The following SNX29 variants were observed in gnomAD, a reference collection of about 807,000 sequenced individuals.
The protein encoded by SNX29 is sorting nexin-29.
In SNX29, 78 loss-of-function variants were observed where a neutral mutation model predicts 102.1. That is an observed-to-expected ratio of 0.76 (90% CI 0.64 to 0.92). The LOEUF (loss-of-function observed/expected upper bound fraction) is 0.92. Among genes scored for constraint, SNX29 ranks in the 40% least tolerant of loss-of-function variants. The pLI, the probability that SNX29 is intolerant of heterozygous loss-of-function variation, is 0.00. For synonymous variants in SNX29, 580 were observed against 414.5 expected (o/e 1.40, Z -4.85); for missense variants, 1,280 against 1,061.7 (o/e 1.21, Z -2.86).
intron 20 of SNX29, among the ~76,000 whole-genome samples, chr16:12,539,969 CAT>C (rs757836357): frequency 6.6e-6 from 1 of 152,164 alleles, no homozygotes; most frequent in Non-Finnish European, 1.5e-5. Flanking sequence ...GTGAGTTGCA[CAT>C]ATTTTCTTCT....
chr16:12,494,026 T>C (rs1033749767), intron 19 of SNX29, among the ~76,000 whole-genome samples: 1 of 152,186 alleles, frequency 6.6e-6, no homozygotes, highest in Non-Finnish European at 1.5e-5. Flanking sequence ...TCTGGGGTAT[T>C]TTTCTTATTT....
At chr16:12,377,438 C>T (rs1045219390) in intron 16 of SNX29, among the ~76,000 whole-genome samples, 9 of 152,188 alleles carry the variant, frequency 5.9e-5, no homozygotes, top group African/African-American at 2.2e-4. Context: ...CCAGAAATTA[C>T]ATGTCACATC....
chr16:12,252,728 CT>C (rs2078457761), intron 14 of SNX29, among the ~76,000 whole-genome samples: 1 of 152,206 alleles, frequency 6.6e-6, no homozygotes, highest in South Asian at 2.1e-4. Flanking sequence ...GCCTGTTCCG[CT>C]TCCCTGGCTC....
chr16:12,566,070 T>G (rs2078992032), intron 20 of SNX29, among the ~76,000 whole-genome samples: 1 of 152,244 alleles, frequency 6.6e-6, no homozygotes, highest in Non-Finnish European at 1.5e-5. Flanking sequence ...ATTGTCTCTC[T>G]AGGCACTTGA....
chr16:12,304,775 G>A (rs1042105812), intron 15 of SNX29, among the ~76,000 whole-genome samples: 3 of 152,060 alleles, frequency 2.0e-5, no homozygotes, highest in Non-Finnish European at 4.4e-5. Context: ...GTTTATATAA[G>A]TGGCCATATT....
chr16:12,571,991 C>G lies in SNX29; in HGVS notation c.*3362C>G, dbSNP rs951992135. The G allele has an allele frequency of 3.8e-6, 4 of 1,062,346 alleles. No individual in the cohort carries two copies. The African/African-American group carries it at 6.6e-5, about 17-fold the overall frequency. 65.8% of individuals were successfully genotyped at this position (1,062,346 alleles called of 1,614,324 possible). A position where few individuals can be genotyped will look rare whatever the true frequency, so the allele number is the denominator to read the frequency against. ...GGTGGTAGCCATCTTCACATCCAGT[C>G]ACCAGTTGCATCTAGGGAGCTGCTG... On this transcript the variant is annotated 3_prime_UTR_variant, in exon 21 of 21. Coordinates refer to ENST00000566228, the MANE Select transcript of SNX29 (RefSeq NM_032167.5).
At chr16:12,531,126 A>T (rs190340141) in intron 20 of SNX29, among the ~76,000 whole-genome samples, 83 of 152,300 alleles carry the variant, frequency 5.4e-4, no homozygotes, top group Non-Finnish European at 3.4e-4. Flanking sequence ...ACCCTCTCAT[A>T]CCAATTTGAT....
At chr16:12,386,747 G>A (rs1254066417) in intron 16 of SNX29, among the ~76,000 whole-genome samples, 1 of 152,190 alleles carries the variant, frequency 6.6e-6, no homozygotes, top group East Asian at 1.9e-4. Flanking sequence ...CCTGCTCACT[G>A]TTAATAAGAA....
chr16:12,097,423 T>G (rs1485353221), intron 11 of SNX29, among the ~76,000 whole-genome samples: 1 of 152,238 alleles, frequency 6.6e-6, no homozygotes, highest in Non-Finnish European at 1.5e-5. Flanking sequence ...ACTTCCCGCA[T>G]CTGGCTGGTT....
chr16:12,220,274 G>T (rs980963997), intron 14 of SNX29, among the ~76,000 whole-genome samples: 11 of 122,080 alleles, frequency 9.0e-5, no homozygotes, highest in Non-Finnish European at 1.6e-4. Flanking sequence ...TCCAGTGTAG[G>T]CTTATTTCAT....
chr16:12,042,172 A>C (rs2049905770), intron 4 of SNX29, among the ~76,000 whole-genome samples: 2 of 152,156 alleles, frequency 1.3e-5, no homozygotes, highest in South Asian at 4.1e-4. Context: ...GTGGGATTAC[A>C]GGTGTGCGCC....
At chr16:12,538,685 A>C (rs1309348737) in intron 20 of SNX29, among the ~76,000 whole-genome samples, 1 of 152,164 alleles carries the variant, frequency 6.6e-6, no homozygotes, top group Non-Finnish European at 1.5e-5. Flanking sequence ...TCCTCCTCCC[A>C]GGACCAGTGG....
At chr16:12,068,588 A>G (rs977653370) in intron 9 of SNX29, among the ~76,000 whole-genome samples, 6 of 151,490 alleles carry the variant, frequency 4.0e-5, no homozygotes, top group Non-Finnish European at 7.4e-5. Context: ...CTTGTTGCCC[A>G]GGCTGGAGTG....
chr16:12,239,190 A>T (rs2078025921), intron 14 of SNX29, among the ~76,000 whole-genome samples: 1 of 152,190 alleles, frequency 6.6e-6, no homozygotes, highest in African/African-American at 2.4e-5. Context: ...ATGCCAGGCA[A>T]TCTGTCCTGG....
chr16:12,393,268 CT>C (rs1290093183), intron 16 of SNX29, among the ~76,000 whole-genome samples: 2 of 152,046 alleles, frequency 1.3e-5, no homozygotes, highest in African/African-American at 2.4e-5. Flanking sequence ...TTCTTTGGTT[CT>C]TTTTTTGTCT....
chr16:12,144,938 G>T (rs350268), intron 13 of SNX29, among the ~76,000 whole-genome samples: 30,970 of 152,150 alleles, frequency 0.2, 4,133 homozygotes, highest in African/African-American at 0.38. Context: ...AGCCAGGATG[G>T]TCTCTATCTC....
intron 20 of SNX29, among the ~76,000 whole-genome samples, chr16:12,553,417 A>C (rs997969940): frequency 6.6e-6 from 1 of 152,172 alleles, no homozygotes; most frequent in African/African-American, 2.4e-5. Context: ...GTTGAAAACC[A>C]GGTCTGACAC....
chr16:12,184,656 G>A (rs568610366), intron 13 of SNX29, among the ~76,000 whole-genome samples: 1 of 152,248 alleles, frequency 6.6e-6, no homozygotes, highest in Non-Finnish European at 1.5e-5. Context: ...AGGCTTCCAG[G>A]TACATTGTCT....
intron 16 of SNX29, among the ~76,000 whole-genome samples, chr16:12,386,734 A>G (rs117850075): frequency 0.026 from 3,889 of 152,342 alleles, 95 homozygotes; most frequent in Non-Finnish European, 0.041. Flanking sequence ...CAAAGTGCCT[A>G]TGCCTGCTCA....
Sources: gnomAD v4.1 joint callset for allele counts (sites outside exome capture counted in the v4.1 genomes callset) on GRCh38, gnomAD v4.1.1 for gene constraint, MANE v1.5 for transcripts, NCBI Gene and HGNC (gene_info 2026-07-23, HGNC 2026-07-21) for gene names.